Variants in SEMA3A observed in about 807,000 individuals in gnomAD.
SEMA3A encodes semaphorin 3A.
A neutral mutation model predicts 97.9 loss-of-function variants in SEMA3A; 29 were observed. The observed-to-expected ratio is 0.30, with a 90% CI of 0.22 to 0.40. The LOEUF is 0.40. Among genes scored for constraint, SEMA3A ranks in the 10% least tolerant of loss-of-function variants. The pLI is 1.00. For missense variants in SEMA3A, 763 were observed against 951.3 expected, an observed-to-expected ratio of 0.80 and a Z score of 2.60; for synonymous variants, 321 against 323.7, an observed-to-expected ratio of 0.99 and a Z score of 0.09.
Position 84,484,057 on chromosome 7 carries a change from A to G in SEMA3A, c.-246+8403T>C, listed in dbSNP as rs75356255. Among the ~76,000 whole-genome samples the G allele has an allele frequency of 2.2e-3, 333 of 151,626 alleles. 1 individual carries two copies. The highest frequency in any genetic ancestry group is 7.3e-3 in the African/African-American group (303 of 41,314). On this transcript the variant is annotated intron_variant, in intron 1 of 3. Coordinates refer to the SEMA3A transcript ENST00000424555. Reference sequence around the variant, plus strand: ...GAAACTCTGTCTCAAAAAAAAGAAAAAAAAAAAAAGAAAAAATCTGGGTTT... The same window carrying G: ...GAAACTCTGTCTCAAAAAAAAGAAAGAAAAAAAAAGAAAAAATCTGGGTTT...
chr7:84,313,401 T>C (rs1801410932), intron 2 of SEMA3A, among the ~76,000 whole-genome samples: 1 of 117,588 alleles, frequency 8.5e-6, no homozygotes, highest in African/African-American at 3.2e-5. Context: ...TATATATATA[T>C]ATATAAACTA....
chr7:84,136,945 GGAA>G (rs1796142559), intron 1 of SEMA3A, among the ~76,000 whole-genome samples: 2 of 143,636 alleles, frequency 1.4e-5, no homozygotes, highest in African/African-American at 5.1e-5. Context: ...AGGGAGGGAG[GGAA>G]GGAGGGAGGG....
intron 4 of SEMA3A, among the ~76,000 whole-genome samples, chr7:84,077,373 T>C (rs1562761843): frequency 6.6e-6 from 1 of 152,226 alleles, no homozygotes; most frequent in East Asian, 1.9e-4. Flanking sequence ...CACTTCTTTT[T>C]ATAAACGTGT....
chr7:84,215,568 CT>C (rs1377861044), intron 3 of SEMA3A, among the ~76,000 whole-genome samples: 3 of 152,242 alleles, frequency 2.0e-5, no homozygotes, highest in East Asian at 1.9e-4. Context: ...TTCCTGTCCC[CT>C]AGCTCTATTT....
At chr7:84,353,824 A>C (rs1446515906) in intron 2 of SEMA3A, among the ~76,000 whole-genome samples, 1 of 151,686 alleles carries the variant, frequency 6.6e-6, no homozygotes, top group Non-Finnish European at 1.5e-5. Context: ...ATCTAACATA[A>C]AAAGTAATTT....
At chr7:84,103,851 A>G (rs1483687372) in intron 4 of SEMA3A, among the ~76,000 whole-genome samples, 3 of 152,178 alleles carry the variant, frequency 2.0e-5, no homozygotes, top group Non-Finnish European at 1.5e-5. Flanking sequence ...AATGGGATTT[A>G]GTGTTATTTT....
chr7:84,325,652 T>C (rs1265197066), intron 2 of SEMA3A, among the ~76,000 whole-genome samples: 1 of 151,942 alleles, frequency 6.6e-6, no homozygotes, highest in Non-Finnish European at 1.5e-5. Context: ...AGGAGGAACC[T>C]TGTATTTGTA....
intron 4 of SEMA3A, among the ~76,000 whole-genome samples, chr7:84,098,104 A>C (rs1794833205): frequency 6.6e-6 from 1 of 152,088 alleles, no homozygotes; most frequent in African/African-American, 2.4e-5. Context: ...GCTATATAAA[A>C]TTAAGTATTT....
At chr7:83,963,622 G>A (rs1310842493) in intron 15 of SEMA3A, among the ~76,000 whole-genome samples, 2 of 152,144 alleles carry the variant, frequency 1.3e-5, no homozygotes, top group East Asian at 3.8e-4. Context: ...CATGTGTGTA[G>A]CATAACTATA....
chr7:84,150,672 C>A (rs1311858242), intron 1 of SEMA3A, among the ~76,000 whole-genome samples: 3 of 152,134 alleles, frequency 2.0e-5, no homozygotes, highest in Non-Finnish European at 4.4e-5. Context: ...GAGGGGCGCC[C>A]GCCATTGCCC....
At position 84,052,921 on chromosome 7, in the gene SEMA3A, C is replaced by A. The variant is rs548110552; in HGVS notation, c.548-6478G>T. Among the ~76,000 whole-genome samples the A allele has an allele frequency of 9.6e-4, 145 of 151,602 alleles. 2 individuals carry two copies. The highest frequency in any genetic ancestry group is 3.4e-3 in the African/African-American group (140 of 41,192). On this transcript the variant is annotated intron_variant, in intron 5 of 16. Coordinates refer to ENST00000265362, the MANE Select transcript of SEMA3A (RefSeq NM_006080.3). ...GATTCTGGTATGTTGTGTCTTTGTT[C>A]TCGTTGGTTTCAAAGAACATCTTTA...
intron 3 of SEMA3A, among the ~76,000 whole-genome samples, chr7:84,125,417 A>G (rs1459133604): frequency 6.6e-6 from 1 of 152,202 alleles, no homozygotes; most frequent in African/African-American, 2.4e-5. Flanking sequence ...AGTGTGGAAA[A>G]TGCAATGAAG....
Position 84,002,109 on chromosome 7 carries a change from TGAATGAAATATGTA to T in SEMA3A, c.1361-77_1361-64del, listed in dbSNP as rs555543249. On this transcript the variant is annotated intron_variant, in intron 11 of 16. Coordinates refer to ENST00000265362, the MANE Select transcript of SEMA3A (RefSeq NM_006080.3). ...AGATCTGAACAGAGATTAGTGTTAA[TGAATGAAATATGTA>T]TTTGTCAGACAAAGAACCTTTGATA... is the stretch of plus-strand genomic sequence containing the variant. The T allele has an allele frequency of 8.5e-5, 76 of 891,480 alleles. No individual in the cohort carries two copies. The South Asian group carries it at 1.1e-3, about 13-fold the overall frequency. 55.2% of individuals were successfully genotyped at this position (891,480 alleles called of 1,614,324 possible).
At chr7:84,225,191 T>C (rs1219196453) in intron 3 of SEMA3A, among the ~76,000 whole-genome samples, 1 of 152,144 alleles carries the variant, frequency 6.6e-6, no homozygotes, top group Non-Finnish European at 1.5e-5. Flanking sequence ...TTTAGAAAAG[T>C]ATTGCACATA....
chr7:84,082,145 A>G (rs534500865), intron 4 of SEMA3A, among the ~76,000 whole-genome samples: 1 of 152,288 alleles, frequency 6.6e-6, no homozygotes, highest in African/African-American at 2.4e-5. Context: ...TGTCTGACTC[A>G]TGGTTTTGCT....
chr7:84,173,121 T>C (rs887845890), intron 1 of SEMA3A, among the ~76,000 whole-genome samples: 5 of 152,196 alleles, frequency 3.3e-5, no homozygotes. Context: ...AGTAAAAGCA[T>C]AGTTATTATT....
intron 12 of SEMA3A, among the ~76,000 whole-genome samples, chr7:83,995,345 A>G (rs781395297): frequency 1.4e-4 from 21 of 152,034 alleles, no homozygotes; most frequent in Non-Finnish European, 2.8e-4. Context: ...CCTCCCCCCA[A>G]TAAAAATTAT....
chr7:84,114,218 A>T (rs2115955979), intron 3 of SEMA3A, among the ~76,000 whole-genome samples: 1 of 152,300 alleles, frequency 6.6e-6, no homozygotes, highest in South Asian at 2.1e-4. Flanking sequence ...AATATGATTT[A>T]CCTCCAATTC....
chr7:84,186,760 A>C (rs534706872), intron 1 of SEMA3A, among the ~76,000 whole-genome samples: 2 of 152,244 alleles, frequency 1.3e-5, no homozygotes, highest in East Asian at 3.9e-4. Context: ...ATATTTAAAA[A>C]AAAAAAAAGA....
Sources: gnomAD v4.1 joint callset for allele counts (sites outside exome capture counted in the v4.1 genomes callset) on GRCh38, gnomAD v4.1.1 for gene constraint, MANE v1.5 for transcripts, NCBI Gene and HGNC (gene_info 2026-07-23, HGNC 2026-07-21) for gene names.